SYT1: variants seen among roughly 807,000 people sequenced by gnomAD.
SYT1 encodes the protein synaptotagmin 1.
In SYT1, 8 loss-of-function variants were observed where a neutral mutation model predicts 44.8. That is an observed-to-expected ratio of 0.18 (90% CI 0.10 to 0.32). SYT1 has a LOEUF of 0.32. Ranked by LOEUF, SYT1 falls within the 10% of genes least tolerant of loss-of-function variation. SYT1 has a pLI of 1.00. For synonymous variants in SYT1, 154 were observed against 188.8 expected (o/e 0.82, Z 1.51); for missense variants, 286 against 509.3 (o/e 0.56, Z 4.22).
Position 78,875,600 on chromosome 12 carries a change from C to A in SYT1, c.-217+10491C>A, listed in dbSNP as rs57377574. 5.7e-3 allele frequency among the ~76,000 whole-genome samples: 863 copies of A among 151,364 alleles called. 6 individuals carry two copies. Among genetic ancestry groups the A allele is most frequent in the African/African-American group, 0.019 (804 of 41,380 alleles). On this transcript the variant is annotated intron_variant, in intron 1 of 10. Transcript: ENST00000261205. The stretch of plus-strand genomic sequence containing the variant: ...ACACTGGTTTTATGTGTTTCCCGTG[C>A]CTTAATATTTTAATTAAAAATAATC...
chr12:79,422,891 C>A (rs1281632736), intron 9 of SYT1, among the ~76,000 whole-genome samples: 1 of 152,092 alleles, frequency 6.6e-6, no homozygotes, highest in Non-Finnish European at 1.5e-5. Flanking sequence ...ATTCCCCTTT[C>A]TAATGAGTTT....
intron 1 of SYT1, among the ~76,000 whole-genome samples, chr12:78,920,023 A>ATT (rs11459778): frequency 0.013 from 1,913 of 150,750 alleles, 20 homozygotes; most frequent in Non-Finnish European, 0.02. Context: ...TCATTGGGCT[A>ATT]TTTTTTTTTC....
chr12:79,211,164 A>G (rs1374197787), intron 3 of SYT1, among the ~76,000 whole-genome samples: 2 of 152,154 alleles, frequency 1.3e-5, no homozygotes, highest in Non-Finnish European at 2.9e-5. Flanking sequence ...AAGATTTCTT[A>G]AAGAAAAACT....
At chr12:78,947,788 G>A (rs1878747895) in intron 1 of SYT1, among the ~76,000 whole-genome samples, 1 of 151,026 alleles carries the variant, frequency 6.6e-6, no homozygotes, top group Non-Finnish European at 1.5e-5. Flanking sequence ...TATTCCAGGA[G>A]GGATTGTTTA....
intron 1 of SYT1, among the ~76,000 whole-genome samples, chr12:78,881,807 T>C (rs1418780258): frequency 6.6e-6 from 1 of 151,476 alleles, no homozygotes; most frequent in Non-Finnish European, 1.5e-5. Context: ...GAGTACCAGC[T>C]CTCTTTGAGA....
In SYT1 at chr12:79,439,898, A is replaced by AAGCCAG. The variant is rs1870308070; in HGVS notation, c.929-4175_929-4174insAGCCAG. Among the ~76,000 whole-genome samples the AAGCCAG allele has an allele frequency of 1.8e-4, 26 of 140,706 alleles. No homozygotes were observed. The South Asian group carries it at 6.1e-3, about 33-fold the overall frequency. The allele number at this position is 140,706 out of a possible 152,430, so 92.3% of individuals were successfully genotyped here. On this transcript the variant is annotated intron_variant, in intron 9 of 10. Coordinates refer to ENST00000261205, the MANE Select transcript of SYT1 (RefSeq NM_005639.3). ...AAAGAGCAGCAGGTTTGGAGTCAGGATAGACTGGCTTGAATTCTTTAAAAA... is the reference window on the plus strand; with the variant it reads ...AAAGAGCAGCAGGTTTGGAGTCAGGAAGCCAGTAGACTGGCTTGAATTCTTTAAAAA...
At chr12:79,070,805 C>G (rs1188832362) in intron 3 of SYT1, among the ~76,000 whole-genome samples, 6 of 151,992 alleles carry the variant, frequency 3.9e-5, no homozygotes, top group African/African-American at 1.4e-4. Context: ...ATCATTTATT[C>G]TCGAAACCTC....
chr12:79,362,857 T>C (rs1345095514), intron 9 of SYT1, among the ~76,000 whole-genome samples: 6 of 152,238 alleles, frequency 3.9e-5, no homozygotes, highest in African/African-American at 1.4e-4. Flanking sequence ...AAATTTTCTT[T>C]ACTACTTTAC....
intron 3 of SYT1, among the ~76,000 whole-genome samples, chr12:79,072,718 T>G (rs1381559558): frequency 6.6e-6 from 1 of 152,122 alleles, no homozygotes; most frequent in Admixed American, 6.6e-5. Context: ...ATTAAGAGAT[T>G]TAAACAAGAT....
chr12:79,080,879 G>C (rs1390799748), intron 3 of SYT1, among the ~76,000 whole-genome samples: 1 of 152,146 alleles, frequency 6.6e-6, no homozygotes, highest in African/African-American at 2.4e-5. Flanking sequence ...ATGGGACAAG[G>C]AATTTAGGAA....
At chr12:79,223,815 A>C (rs1875319814) in intron 4 of SYT1, among the ~76,000 whole-genome samples, 1 of 152,186 alleles carries the variant, frequency 6.6e-6, no homozygotes, top group South Asian at 2.1e-4. Flanking sequence ...CTTGAATATA[A>C]GGCCGTGGTA....
intron 4 of SYT1, among the ~76,000 whole-genome samples, chr12:79,273,285 TTTA>T (rs934487023): frequency 6.6e-6 from 1 of 151,966 alleles, no homozygotes; most frequent in Non-Finnish European, 1.5e-5. Context: ...GCTATTTTTT[TTTA>T]TTATTTTTTG....
chr12:79,212,024 T>A (rs567956128), intron 3 of SYT1, among the ~76,000 whole-genome samples: 1 of 152,278 alleles, frequency 6.6e-6, no homozygotes, highest in East Asian at 1.9e-4. Flanking sequence ...TGCTTTTAGT[T>A]TTTGTCAGGA....
In SYT1 at chr12:78,980,668, T is replaced by C. The variant is rs138746201; in HGVS notation, c.-84+2737T>C. ...TTCAATTTTATGAAATCCACAACAT[T>C]ATAGTAAAATTACATAAGTTATAAA... On this transcript the variant is annotated intron_variant, in intron 2 of 10. Coordinates refer to ENST00000261205, the MANE Select transcript of SYT1 (RefSeq NM_005639.3). Among the ~76,000 whole-genome samples, 337 of 152,256 alleles carry C rather than the reference T, an allele frequency of 2.2e-3. 1 individual carries two copies. The highest frequency in any genetic ancestry group is 7.6e-3 in the African/African-American group (317 of 41,556).
chr12:79,095,041 A>G (rs890965054), intron 3 of SYT1, among the ~76,000 whole-genome samples: 1 of 151,914 alleles, frequency 6.6e-6, no homozygotes. Context: ...TAGGCCACCC[A>G]TACATGAGGG....
intron 3 of SYT1, among the ~76,000 whole-genome samples, chr12:79,087,457 G>T (rs1433735221): frequency 6.6e-6 from 1 of 152,100 alleles, no homozygotes; most frequent in African/African-American, 2.4e-5. Context: ...CACAATTTGT[G>T]TTGCTGTCTC....
chr12:79,375,084 ATATGTCATG>A (rs1290546716), intron 9 of SYT1, among the ~76,000 whole-genome samples: 14 of 152,320 alleles, frequency 9.2e-5, no homozygotes, highest in African/African-American at 3.1e-4. Flanking sequence ...ATGTAATTTT[ATATGTCATG>A]AAATATTAAT....
At chr12:79,232,762 C>T (rs1875943062) in intron 4 of SYT1, among the ~76,000 whole-genome samples, 1 of 152,152 alleles carries the variant, frequency 6.6e-6, no homozygotes, top group Non-Finnish European at 1.5e-5. Context: ...AAATCTGGCT[C>T]ATAGGTAGGC....
chr12:78,878,915 A>G (rs1369838286), intron 1 of SYT1, among the ~76,000 whole-genome samples: 1 of 151,692 alleles, frequency 6.6e-6, no homozygotes, highest in Non-Finnish European at 1.5e-5. Context: ...TGTCATCTCA[A>G]TGTAAAGTTT....
Sources: gnomAD v4.1 joint callset for allele counts (sites outside exome capture counted in the v4.1 genomes callset) on GRCh38, gnomAD v4.1.1 for gene constraint, MANE v1.5 for transcripts, NCBI Gene and HGNC (gene_info 2026-07-23, HGNC 2026-07-21) for gene names.